The following IGBP1C variants were observed in gnomAD, a reference collection of about 807,000 sequenced individuals.
The protein encoded by IGBP1C is IGBP1 family member C.
the IGBP1C span, chr17:58,661,831 TAAA>T: frequency 4.3e-6 from 2 of 463,454 alleles, no homozygotes; most frequent in African/African-American, 4.0e-5. Context: ...TTCCGTTTCC[TAAA>T]ATTGTAAAGT....
chr17:58,661,626 ATT>A, the IGBP1C span: 1 of 689,840 alleles, frequency 1.4e-6, no homozygotes, highest in East Asian at 2.5e-5. Context: ...CGAAATGTTG[ATT>A]CCTTTCCTTT....
the IGBP1C span, among the ~76,000 whole-genome samples, chr17:58,691,666 CA>C: frequency 0.016 from 1,759 of 107,062 alleles, 28 homozygotes; most frequent in Non-Finnish European, 0.019. Flanking sequence ...GACTCTGTCT[CA>C]AAAAAAAAAA....
At chr17:58,683,739 G>A in the IGBP1C span, among the ~76,000 whole-genome samples, 1 of 148,742 alleles carries the variant, frequency 6.7e-6, no homozygotes, top group South Asian at 2.1e-4. Flanking sequence ...CTCCAGCCTG[G>A]GCGACAGAGC....
chr17:58,666,168 C>A, the IGBP1C span, among the ~76,000 whole-genome samples: 3 of 151,732 alleles, frequency 2.0e-5, no homozygotes, highest in Non-Finnish European at 4.4e-5. Flanking sequence ...CATGGTAAGA[C>A]GCCATCTCTA....
At chr17:58,665,630 T>C in the IGBP1C span, among the ~76,000 whole-genome samples, 1 of 151,858 alleles carries the variant, frequency 6.6e-6, no homozygotes, top group Admixed American at 6.6e-5. Flanking sequence ...CCACAACTCA[T>C]TGCGTTTACC....
the IGBP1C span, chr17:58,660,679 C>A: frequency 1.3e-6 from 1 of 782,950 alleles, no homozygotes; most frequent in Non-Finnish European, 2.4e-6. Flanking sequence ...CCTCTTCCTC[C>A]TTTTCTTGAT....
chr17:58,666,520 A>C, the IGBP1C span: 1 of 143,336 alleles, frequency 7.0e-6, no homozygotes, highest in Non-Finnish European at 1.5e-5. Flanking sequence ...CAAAACTTGC[A>C]TTTCAACTAC....
the IGBP1C span, chr17:58,661,722 G>A: frequency 1.7e-6 from 1 of 574,754 alleles, no homozygotes; most frequent in South Asian, 2.3e-5. Flanking sequence ...CAGGGAGGCG[G>A]TGGCGTTGGG....
At chr17:58,677,067 C>T in the IGBP1C span, among the ~76,000 whole-genome samples, 17,763 of 145,582 alleles carry the variant, frequency 0.12, 1,427 homozygotes, top group Middle Eastern at 0.2. Flanking sequence ...TGCTGGGAGC[C>T]GAGATCAAAC....
chr17:58,669,330 C>T, the IGBP1C span, among the ~76,000 whole-genome samples: 4 of 149,986 alleles, frequency 2.7e-5, no homozygotes, highest in Non-Finnish European at 5.9e-5. Flanking sequence ...CCAGCCTGGG[C>T]GAAAGAGCGA....
the IGBP1C span, among the ~76,000 whole-genome samples, chr17:58,678,818 T>TATAATAATAATAATAATAATAATA: frequency 1.5e-5 from 2 of 137,324 alleles, no homozygotes; most frequent in Non-Finnish European, 3.1e-5. Flanking sequence ...GAACTTAAAG[T>TATAATAATAATAATAATAATAATA]ATAATAATAA....
chr17:58,681,312 C>T, the IGBP1C span, among the ~76,000 whole-genome samples: 30 of 152,132 alleles, frequency 2.0e-4, no homozygotes, highest in African/African-American at 7.2e-4. Context: ...CAAGCAACAA[C>T]TGAGAACATA....
the IGBP1C span, among the ~76,000 whole-genome samples, chr17:58,665,533 T>C: frequency 6.6e-6 from 1 of 151,520 alleles, no homozygotes; most frequent in African/African-American, 2.4e-5. Flanking sequence ...GAGGCGGAGG[T>C]TGCAGTGAGC....
chr17:58,683,393 AAT>A, the IGBP1C span, among the ~76,000 whole-genome samples: 1 of 151,420 alleles, frequency 6.6e-6, no homozygotes, highest in East Asian at 2.0e-4. Flanking sequence ...AAAAAAAGGA[AAT>A]ATATGTTTGT....
chr17:58,687,387 G>A, the IGBP1C span, among the ~76,000 whole-genome samples: 1 of 152,082 alleles, frequency 6.6e-6, no homozygotes, highest in African/African-American at 2.4e-5. Flanking sequence ...ATACTCTTTT[G>A]TCTCGTCTTT....
At chr17:58,670,246 C>T in the IGBP1C span, among the ~76,000 whole-genome samples, 1,703 of 152,172 alleles carry the variant, frequency 0.011, 36 homozygotes, top group African/African-American at 0.039. Context: ...TACAGACTGT[C>T]GAAGGACCTG....
the IGBP1C span, among the ~76,000 whole-genome samples, chr17:58,680,576 T>C: frequency 6.6e-6 from 1 of 151,742 alleles, no homozygotes; most frequent in African/African-American, 2.4e-5. Context: ...ACCCTATCTC[T>C]AATAAAAATA....
the IGBP1C span, chr17:58,679,605 T>C: frequency 6.6e-6 from 1 of 152,078 alleles, no homozygotes; most frequent in South Asian, 2.1e-4. Flanking sequence ...ACCACAGGGG[T>C]CAGCACATCC....
the IGBP1C span, chr17:58,661,360 G>A: frequency 1.1e-6 from 1 of 912,016 alleles, no homozygotes; most frequent in East Asian, 2.4e-5. Context: ...GCACCATCAG[G>A]TACTTCAGGT....
Sources: gnomAD v4.1 joint callset for allele counts (sites outside exome capture counted in the v4.1 genomes callset) on GRCh38, gnomAD v4.1.1 for gene constraint, MANE v1.5 for transcripts, NCBI Gene and HGNC (gene_info 2026-07-23, HGNC 2026-07-21) for gene names.